The following MAL2 variants were observed in gnomAD, a reference collection of about 807,000 sequenced individuals.
The protein encoded by MAL2 is mal, T cell differentiation protein 2, also known as protein MAL2.
MAL2 carries 17 observed loss-of-function variants against 18.1 expected under a neutral mutation model. The observed-to-expected ratio is 0.94, with a 90% CI of 0.64 to 1.41. MAL2 has a LOEUF of 1.41. Ranked by LOEUF, MAL2 falls within the 40% of genes most tolerant of loss-of-function variation. The probability of loss-of-function intolerance (pLI) is 0.00; values close to 1 mark genes in which losing one functional copy is unlikely to be tolerated. For missense variants in MAL2, 222 were observed against 231.9 expected (o/e 0.96, Z 0.28); for synonymous variants, 102 against 102.3 (o/e 1.00, Z 0.02).
chr8:119,214,046 G>A (rs1817306331), intron 1 of MAL2, among the ~76,000 whole-genome samples: 1 of 152,212 alleles, frequency 6.6e-6, no homozygotes, highest in Non-Finnish European at 1.5e-5. Flanking sequence ...TGTAGAGCCT[G>A]ATAGAAATGT....
At chr8:119,234,931 C>T (rs866755981) in intron 2 of MAL2, among the ~76,000 whole-genome samples, 2 of 152,238 alleles carry the variant, frequency 1.3e-5, no homozygotes, top group Middle Eastern at 3.4e-3. Context: ...CGCAGTTCCT[C>T]ACCAGCAACG....
At chr8:119,220,738 C>G (rs572489070) in intron 1 of MAL2, among the ~76,000 whole-genome samples, 1 of 152,310 alleles carries the variant, frequency 6.6e-6, no homozygotes, top group Non-Finnish European at 1.5e-5. Flanking sequence ...TACCCCATAG[C>G]CCTGTGCTTT....
intron 2 of MAL2, among the ~76,000 whole-genome samples, chr8:119,230,112 G>T (rs1817685788): frequency 1.3e-5 from 2 of 152,164 alleles, no homozygotes; most frequent in African/African-American, 4.8e-5. Flanking sequence ...ACCAGGTCTA[G>T]TACCAGGAGC....
intron 1 of MAL2, among the ~76,000 whole-genome samples, chr8:119,210,212 ATATG>A (rs574289016): frequency 5.1e-4 from 77 of 152,278 alleles, no homozygotes; most frequent in Middle Eastern, 6.8e-3. Context: ...TTATTCAAAT[ATATG>A]TATGTATGTA....
intron 1 of MAL2, among the ~76,000 whole-genome samples, chr8:119,218,635 G>GT (rs1446983496): frequency 1.3e-5 from 2 of 151,852 alleles, no homozygotes; most frequent in Middle Eastern, 3.2e-3. Context: ...TGCCTTTTTT[G>GT]TTTTTTCTTG....
Position 119,245,089 on chromosome 8 carries a change from T to G in MAL2, c.*1601T>G, listed in dbSNP as rs1818125082. ...TAGAAAGAACCCTGTTAGATCTTGG[T>G]TTGTGATAAAAATATAAAGACAGAA... is the stretch of plus-strand genomic sequence containing the variant. On this transcript the variant is annotated 3_prime_UTR_variant, in exon 4 of 4. Transcript: ENST00000614891. 6.6e-6 allele frequency: 1 copy of G among 152,480 alleles called. No homozygotes were observed. The highest frequency in any genetic ancestry group is 1.5e-5 in the Non-Finnish European group (1 of 68,004). 9.4% of individuals were successfully genotyped at this position (152,480 alleles called of 1,614,324 possible). A position where few individuals can be genotyped will look rare whatever the true frequency, so the allele number is the denominator to read the frequency against.
intron 2 of MAL2, 118 bp downstream of exon 2, chr8:119,221,875 C>A: frequency 9.3e-7 from 1 of 1,070,684 alleles, no homozygotes; most frequent in Non-Finnish European, 1.3e-6. Flanking sequence ...AGCGGTCCAA[C>A]CACAGAGACT....
chr8:119,239,901 TATA>T (rs764816789), intron 2 of MAL2, among the ~76,000 whole-genome samples: 3 of 152,068 alleles, frequency 2.0e-5, no homozygotes, highest in Non-Finnish European at 2.9e-5. Context: ...AAACTTAAAG[TATA>T]ATAATAAAAA....
intron 2 of MAL2, among the ~76,000 whole-genome samples, chr8:119,238,780 A>G (rs1817973468): frequency 6.6e-6 from 1 of 150,828 alleles, no homozygotes; most frequent in Non-Finnish European, 1.5e-5. Context: ...TTAATTCAAG[A>G]TGGATTAAAG....
In MAL2 at chr8:119,221,712, C is replaced by T. The variant is rs1817467960; in HGVS notation, c.258C>T (p.Phe86=). 1.9e-6 allele frequency: 3 copies of T among 1,613,766 alleles called. No homozygotes were observed. Among genetic ancestry groups the T allele is most frequent in the Non-Finnish European group, 2.5e-6 (3 of 1,179,844 alleles). Residue 86 remains phenylalanine (F), a synonymous_variant, in exon 2 of 4, where the codon TTC becomes TTT. Transcript: ENST00000614891. ...TTTCGCTCCTCTTTCTGGGCATGTT[C>T]CTCTCTGGCATGGTGGCTCAAATTG... ...FFFSLLFLGM[F]LSGMVAQIDA... is the part of the protein sequence containing the mutation.
chr8:119,230,282 C>G (rs927201532), intron 2 of MAL2, among the ~76,000 whole-genome samples: 1 of 152,074 alleles, frequency 6.6e-6, no homozygotes. Context: ...TAGGATGACC[C>G]AAGCATATGG....
chr8:119,216,244 T>C (rs1817351940), intron 1 of MAL2, among the ~76,000 whole-genome samples: 1 of 152,146 alleles, frequency 6.6e-6, no homozygotes, highest in South Asian at 2.1e-4. Context: ...TTTTAGGAAA[T>C]CATATGGAAT....
At chr8:119,234,408 G>C (rs1473367625) in intron 2 of MAL2, among the ~76,000 whole-genome samples, 1 of 152,222 alleles carries the variant, frequency 6.6e-6, no homozygotes, top group East Asian at 1.9e-4. Flanking sequence ...GCCCAGGCTT[G>C]CTTAGGTAAA....
At chr8:119,228,864 C>T (rs191376684) in intron 2 of MAL2, among the ~76,000 whole-genome samples, 1 of 152,270 alleles carries the variant, frequency 6.6e-6, no homozygotes, top group Non-Finnish European at 1.5e-5. Context: ...AGTTTTCATT[C>T]ATTTACTACA....
intron 1 of MAL2, among the ~76,000 whole-genome samples, chr8:119,214,090 A>G (rs949450345): frequency 1.3e-5 from 2 of 152,188 alleles, no homozygotes; most frequent in African/African-American, 4.8e-5. Context: ...GACATGGTGT[A>G]TTTGCAGTGA....
intron 1 of MAL2, chr8:119,209,279 C>G (rs1377711472): frequency 6.5e-6 from 1 of 152,672 alleles, no homozygotes; most frequent in South Asian, 2.1e-4. Context: ...AAACGTGGCT[C>G]TCGAGTTCTT....
intron 1 of MAL2, among the ~76,000 whole-genome samples, chr8:119,218,941 A>T (rs1055082442): frequency 6.6e-6 from 1 of 152,232 alleles, no homozygotes; most frequent in Non-Finnish European, 1.5e-5. Context: ...TATGTAGGTT[A>T]TTCTTTGTGG....
At chr8:119,221,433 A>G (rs1231270232) in intron 1 of MAL2, 154 bp from the exon 2 acceptor site, 2 of 854,474 alleles carry the variant, frequency 2.3e-6, no homozygotes, top group East Asian at 2.5e-5. Context: ...ATCTTACATA[A>G]TAAGGGGAAA....
rs948220582 is a variant in MAL2, at chr8:119,221,340, C to T, written c.133-247C>T. On this transcript the variant is annotated intron_variant, in intron 1 of 3. Transcript: ENST00000614891. Reference sequence around the variant, plus strand: ...TGGACATGTACATGGGTTGAAGAAGCGAGTCCAACCTGAAGATACAGGTGT... The same window carrying T: ...TGGACATGTACATGGGTTGAAGAAGTGAGTCCAACCTGAAGATACAGGTGT... 3.6e-5 allele frequency: 15 copies of T among 422,238 alleles called. 1 individual carries two copies. The Admixed American group carries it at 3.7e-4, about 10-fold the overall frequency. The allele number at this position is 422,238 out of a possible 1,614,324, so 26.2% of individuals were successfully genotyped here. A position where few individuals can be genotyped will look rare whatever the true frequency, so the allele number is the denominator to read the frequency against.
Sources: gnomAD v4.1 joint callset for allele counts (sites outside exome capture counted in the v4.1 genomes callset) on GRCh38, gnomAD v4.1.1 for gene constraint, MANE v1.5 for transcripts, NCBI Gene and HGNC (gene_info 2026-07-23, HGNC 2026-07-21) for gene names.